SMUG1: variants seen among roughly 807,000 people sequenced by gnomAD.
SMUG1 encodes the protein single-strand-selective monofunctional uracil-DNA glycosylase 1.
SMUG1 carries 13 observed loss-of-function variants against 23.9 expected under a neutral mutation model. That is an observed-to-expected ratio of 0.54 (90% CI 0.35 to 0.86). SMUG1 has a LOEUF of 0.86. Among genes scored for constraint, SMUG1 ranks in the 40% least tolerant of loss-of-function variants. The pLI is 0.01. For synonymous variants in SMUG1, 133 were observed against 139.8 expected (o/e 0.95, Z 0.34); for missense variants, 313 against 339.5 (o/e 0.92, Z 0.61).
intron 3 of SMUG1, among the ~76,000 whole-genome samples, chr12:54,169,380 T>C (rs201857110): frequency 2.6e-5 from 4 of 151,842 alleles, no homozygotes; most frequent in East Asian, 3.9e-4. Context: ...ATAAGGTCAA[T>C]AGAACTTGCA....
intron 4 of SMUG1, among the ~76,000 whole-genome samples, chr12:54,158,274 TATC>T (rs963330122): frequency 6.2e-4 from 95 of 152,244 alleles, no homozygotes; most frequent in African/African-American, 2.1e-3. Flanking sequence ...GGATAGCAAT[TATC>T]ATAGCCACAT....
chr12:54,183,915 G>C lies in SMUG1; in HGVS notation c.26C>G (p.Ser9Cys). 1 of 1,587,396 alleles carries C rather than the reference G, an allele frequency of 6.3e-7. No homozygotes were observed. The highest frequency in any genetic ancestry group is 8.6e-7 in the Non-Finnish European group (1 of 1,166,776). Residue 9 changes from serine to cysteine, a missense_variant, in exon 3 of 4, where the codon TCC becomes TGC. Ser to Cys is a moderately radical substitution (Grantham distance 112). Coordinates refer to ENST00000682136, the MANE Select transcript of SMUG1 (RefSeq NM_001243787.2). ...GAGGGCACCTGCAGGCTCATGGATG[G>C]ACCCCAGCAGGAAAGCCTGGGGCAT... MPQAFLLGSIHEPAGALME... is the reference protein window; with the variant it reads MPQAFLLGCIHEPAGALME...
chr12:54,188,295 A>AATAAATAAT (rs869289712), intron 1 of SMUG1, among the ~76,000 whole-genome samples: 37 of 68,898 alleles, frequency 5.4e-4, no homozygotes, highest in East Asian at 2.4e-3. Flanking sequence ...TAATAATAAT[A>AATAAATAAT]AATAATAATA....
chr12:54,186,016 C>A (rs760732396), intron 2 of SMUG1, among the ~76,000 whole-genome samples: 8 of 152,180 alleles, frequency 5.3e-5, no homozygotes, highest in African/African-American at 1.9e-4. Context: ...AGTGTTCCAA[C>A]CTGACCATTC....
chr12:54,186,157 C>G (rs1348982389), intron 2 of SMUG1, among the ~76,000 whole-genome samples: 1 of 152,180 alleles, frequency 6.6e-6, no homozygotes, highest in Non-Finnish European at 1.5e-5. Context: ...TCAACTAGGA[C>G]TGTTGATTCC....
At chr12:54,183,139 G>A in intron 3 of SMUG1, 1 of 191,390 alleles carries the variant, frequency 5.2e-6, no homozygotes, top group Non-Finnish European at 1.1e-5. Flanking sequence ...TCCCCCACCT[G>A]CCAAGCACCC....
downstream of SMUG1, among the ~76,000 whole-genome samples, chr12:54,161,316 T>G (rs569812741): frequency 6.6e-6 from 1 of 151,976 alleles, no homozygotes; most frequent in Non-Finnish European, 1.5e-5. This position sits in a 1 kb window ranked among gnomAD's most constrained non-coding sequence, Gnocchi z 4.2. Context: ...GCAAACAAGA[T>G]GAAGTACAAA....
chr12:54,176,304 G>C (rs1416344890), downstream of SMUG1, among the ~76,000 whole-genome samples: 1 of 151,958 alleles, frequency 6.6e-6, no homozygotes, highest in Non-Finnish European at 1.5e-5. Flanking sequence ...AGGATTGCTT[G>C]AGTTCAGGAG....
downstream of SMUG1, among the ~76,000 whole-genome samples, chr12:54,175,394 C>T (rs1460615232): frequency 6.6e-6 from 1 of 152,248 alleles, no homozygotes; most frequent in African/African-American, 2.4e-5. Flanking sequence ...CAACCCTTGG[C>T]TCTTGCCTAA....
At chr12:54,159,402 A>C (rs904305798) in intron 4 of SMUG1, among the ~76,000 whole-genome samples, 1 of 152,122 alleles carries the variant, frequency 6.6e-6, no homozygotes, top group African/African-American at 2.4e-5. Context: ...GGTCTGCAGC[A>C]GGAGAGTCAG....
In SMUG1 at chr12:54,185,467, CA is replaced by C. The variant is rs1306022832; in HGVS notation, c.-19-1509del. Among the ~76,000 whole-genome samples the C allele has an allele frequency of 1.2e-3, 102 of 84,902 alleles. 7 individuals carry two copies. The highest frequency in any genetic ancestry group is 3.3e-3 in the African/African-American group (86 of 25,796). The allele number at this position is 84,902 out of a possible 152,430, so 55.7% of individuals were successfully genotyped here. ...TGGGCAAAAGAGCAAGACTCCATCTCAAAAAAAAATAAAATAAAAAATAAAT... is the reference window on the plus strand; with the variant it reads ...TGGGCAAAAGAGCAAGACTCCATCTCAAAAAAAATAAAATAAAAAATAAAT... On this transcript the variant is annotated intron_variant, in intron 2 of 3. Coordinates refer to ENST00000682136, the MANE Select transcript of SMUG1 (RefSeq NM_001243787.2).
Position 54,181,368 on chromosome 12 carries a change from C to T in SMUG1, c.*728G>A. The T allele has an allele frequency of 1.6e-6, 1 of 610,186 alleles. No homozygotes were observed. 37.8% of individuals were successfully genotyped at this position (610,186 alleles called of 1,614,324 possible). A position where few individuals can be genotyped will look rare whatever the true frequency, so the allele number is the denominator to read the frequency against. On this transcript the variant is annotated 3_prime_UTR_variant, in exon 4 of 4. Transcript: ENST00000682136. The stretch of plus-strand genomic sequence containing the variant: ...GAAAACAAGAAGACTATGTAATGAG[C>T]ACCCACATGCCAAGCCCATGCAAGG...
chr12:54,167,091 G>A (rs1701073617), intron 3 of SMUG1, among the ~76,000 whole-genome samples: 1 of 152,124 alleles, frequency 6.6e-6, no homozygotes, highest in Non-Finnish European at 1.5e-5. Context: ...CTGGAGGGTG[G>A]GGGATTGAGT....
chr12:54,173,445 C>T (rs938397103), intron 2 of SMUG1, among the ~76,000 whole-genome samples: 1 of 152,010 alleles, frequency 6.6e-6, no homozygotes, highest in Non-Finnish European at 1.5e-5. Context: ...CGGCCGGGAG[C>T]GGGGCGGGCG....
chr12:54,177,490 AT>A (rs1255510219), downstream of SMUG1, among the ~76,000 whole-genome samples: 17 of 152,180 alleles, frequency 1.1e-4, no homozygotes, highest in Middle Eastern at 3.4e-3. Context: ...GAAGAATTGA[AT>A]TTTTTTCCTT....
chr12:54,184,057 G>C, intron 2 of SMUG1, 98 bp from the exon 3 acceptor site: 1 of 1,048,284 alleles, frequency 9.5e-7, no homozygotes, highest in Non-Finnish European at 1.3e-6. Context: ...CCTGGGCTCA[G>C]AAGGGACCCT....
downstream of SMUG1, among the ~76,000 whole-genome samples, chr12:54,160,966 A>G (rs1299593498): frequency 6.6e-6 from 1 of 152,136 alleles, no homozygotes; most frequent in Non-Finnish European, 1.5e-5. Context: ...TGCCCTCAGA[A>G]ACATGCAAAC....
At chr12:54,176,515 C>CA (rs1491114006), downstream of SMUG1, among the ~76,000 whole-genome samples, 23 of 92,338 alleles carry the variant, frequency 2.5e-4, 3 homozygotes, top group African/African-American at 8.4e-4. Flanking sequence ...TGTCCCCCCC[C>CA]AAAAAAAAAG....
chr12:54,176,728 A>AC (rs1277412618), downstream of SMUG1, among the ~76,000 whole-genome samples: 2 of 148,958 alleles, frequency 1.3e-5, no homozygotes, highest in African/African-American at 5.0e-5. Context: ...AATGGCGTGA[A>AC]CCCGGGAAGC....
Sources: allele counts gnomAD v4.1 joint callset (sites outside exome capture counted in the v4.1 genomes callset), GRCh38; gene constraint gnomAD v4.1.1; non-coding constraint Gnocchi (gnomAD v3.1); transcripts MANE v1.5; gene names NCBI Gene and HGNC (gene_info 2026-07-23, HGNC 2026-07-21).